The following BMP5 variants were observed in gnomAD, a reference collection of about 807,000 sequenced individuals.
BMP5 encodes the protein bone morphogenetic protein 5.
BMP5 carries 23 observed loss-of-function variants against 46.6 expected under a neutral mutation model. That is an observed-to-expected ratio of 0.49 (90% confidence interval 0.35 to 0.70). The LOEUF is 0.70. BMP5 is among the 30% of genes least tolerant of loss of function. The probability of loss-of-function intolerance (pLI) is 0.00; values close to 1 mark genes in which losing one functional copy is unlikely to be tolerated. For synonymous variants in BMP5, 204 were observed against 191.9 expected, an observed-to-expected ratio of 1.06 and a Z score of -0.52; for missense variants, 545 against 565.6, an observed-to-expected ratio of 0.96 and a Z score of 0.37.
chr6:55,764,280 A>G (rs1188879105), intron 4 of BMP5, among the ~76,000 whole-genome samples: 1 of 152,208 alleles, frequency 6.6e-6, no homozygotes, highest in Admixed American at 6.5e-5. Context: ...CAGCCATAAA[A>G]AGAATGAAAT....
chr6:55,872,322 T>C (rs567869596), intron 1 of BMP5, among the ~76,000 whole-genome samples: 16 of 151,844 alleles, frequency 1.1e-4, no homozygotes, highest in South Asian at 4.2e-4. Context: ...TAGTTTGTTA[T>C]TGAATATAAA....
rs1389532479 is a variant in BMP5, at chr6:55,874,851, TAC to T, written c.13_14del (p.Val5IlefsTer4). The T allele has an allele frequency of 8.1e-6, 13 of 1,612,676 alleles. No homozygotes were observed. The highest frequency in any genetic ancestry group is 1.1e-5 in the Non-Finnish European group (13 of 1,179,418). On this transcript the variant is annotated frameshift_variant, in exon 1 of 7. Transcript: ENST00000370830. LOFTEE classifies it high-confidence loss of function. MHLT[V>X]FLLKGIVGFL... Reference sequence around the variant, plus strand: ...AACCCACAATACCCTTAAGTAAAAATACAGTCAGATGCATTTTTGTCCAAAAG... The same window carrying T: ...AACCCACAATACCCTTAAGTAAAAATAGTCAGATGCATTTTTGTCCAAAAG...
chr6:55,776,208 C>G (rs931872251), intron 3 of BMP5, among the ~76,000 whole-genome samples: 3 of 151,884 alleles, frequency 2.0e-5, no homozygotes, highest in African/African-American at 7.2e-5. Flanking sequence ...ATGAAAGAGG[C>G]AGTTTGATTT....
chr6:55,835,692 C>G (rs1225678419), intron 1 of BMP5, among the ~76,000 whole-genome samples: 1 of 152,146 alleles, frequency 6.6e-6, no homozygotes, highest in African/African-American at 2.4e-5. Flanking sequence ...TGTTCAATTT[C>G]TAGAAATCCA....
At chr6:55,836,958 T>C (rs1490627893) in intron 1 of BMP5, among the ~76,000 whole-genome samples, 1 of 152,090 alleles carries the variant, frequency 6.6e-6, no homozygotes, top group Non-Finnish European at 1.5e-5. Flanking sequence ...TTCTTCAAAT[T>C]TGTAAGAAGT....
intron 1 of BMP5, chr6:55,865,298 A>G: frequency 2.5e-6 from 1 of 395,732 alleles, no homozygotes; most frequent in Non-Finnish European, 5.0e-6. Flanking sequence ...CTAATTGTAT[A>G]TTACTACCTT....
intron 2 of BMP5, among the ~76,000 whole-genome samples, chr6:55,807,997 G>A (rs894563378): frequency 1.3e-5 from 2 of 152,166 alleles, no homozygotes; most frequent in Non-Finnish European, 2.9e-5. Flanking sequence ...CACTTTGACT[G>A]TTCCTTGATG....
At chr6:55,786,106 G>A (rs1212730966) in intron 3 of BMP5, among the ~76,000 whole-genome samples, 2 of 151,464 alleles carry the variant, frequency 1.3e-5, no homozygotes, top group South Asian at 2.1e-4. Context: ...TAACTTTCTC[G>A]CTTCTCTTTA....
intron 1 of BMP5, among the ~76,000 whole-genome samples, chr6:55,840,630 T>G (rs1378317198): frequency 6.6e-6 from 1 of 152,210 alleles, no homozygotes; most frequent in East Asian, 1.9e-4. Context: ...CATCTTTATC[T>G]ACTTTAGTCA....
intron 2 of BMP5, among the ~76,000 whole-genome samples, chr6:55,817,251 C>T (rs1472221767): frequency 1.3e-5 from 2 of 152,166 alleles, no homozygotes; most frequent in South Asian, 2.1e-4. Flanking sequence ...CATTACTGGG[C>T]ATATACCCAA....
chr6:55,835,142 G>T (rs1776760175), intron 1 of BMP5, among the ~76,000 whole-genome samples: 1 of 151,282 alleles, frequency 6.6e-6, no homozygotes. Context: ...ATTGTGAATA[G>T]CAATTCTTAT....
At chr6:55,811,578 T>A (rs1342026719) in intron 2 of BMP5, among the ~76,000 whole-genome samples, 1 of 152,118 alleles carries the variant, frequency 6.6e-6, no homozygotes, top group Non-Finnish European at 1.5e-5. Flanking sequence ...ACGCTTGAAC[T>A]TTTTTATACA....
intron 2 of BMP5, among the ~76,000 whole-genome samples, chr6:55,802,533 A>C (rs761332517): frequency 1.3e-5 from 2 of 152,106 alleles, no homozygotes; most frequent in Non-Finnish European, 2.9e-5. Context: ...TAAATATTTG[A>C]TTTACCTTAC....
intron 1 of BMP5, among the ~76,000 whole-genome samples, chr6:55,827,989 T>C (rs776198901): frequency 9.2e-5 from 14 of 151,996 alleles, no homozygotes; most frequent in Admixed American, 2.0e-4. Flanking sequence ...CTTTTACAGA[T>C]TGTCTGGCAG....
intron 2 of BMP5, among the ~76,000 whole-genome samples, chr6:55,799,404 CA>C (rs755486851): frequency 2.0e-5 from 3 of 151,874 alleles, no homozygotes; most frequent in African/African-American, 2.4e-5. Context: ...AAGAGAGGAG[CA>C]GAAAGAGGAG....
intron 3 of BMP5, among the ~76,000 whole-genome samples, chr6:55,782,089 G>A (rs1397412924): frequency 3.3e-5 from 5 of 152,000 alleles, no homozygotes; most frequent in Admixed American, 3.3e-4. Flanking sequence ...GATACCTAAT[G>A]TAATATGCCA....
At chr6:55,871,258 T>C (rs542482349) in intron 1 of BMP5, among the ~76,000 whole-genome samples, 40 of 152,012 alleles carry the variant, frequency 2.6e-4, no homozygotes, top group Admixed American at 1.1e-3. Flanking sequence ...TTTTTATTAC[T>C]AACAAAATAA....
intron 3 of BMP5, among the ~76,000 whole-genome samples, chr6:55,788,537 G>A (rs1177717257): frequency 6.6e-6 from 1 of 151,898 alleles, no homozygotes; most frequent in South Asian, 2.1e-4. Flanking sequence ...CACAATAAAA[G>A]AACTAGTCCC....
chr6:55,765,938 G>T (rs1774906594), intron 4 of BMP5, among the ~76,000 whole-genome samples: 1 of 152,060 alleles, frequency 6.6e-6, no homozygotes, highest in Non-Finnish European at 1.5e-5. Context: ...CACCTCTAAA[G>T]GACAGTTCCC....
Sources: allele counts gnomAD v4.1 joint callset (sites outside exome capture counted in the v4.1 genomes callset), GRCh38; gene constraint gnomAD v4.1.1; transcripts MANE v1.5; gene names NCBI Gene and HGNC (gene_info 2026-07-23, HGNC 2026-07-21).